The following SLC13A1 variants were observed in gnomAD, a reference collection of about 807,000 sequenced individuals.
The protein encoded by SLC13A1 is solute carrier family 13 member 1, also known as Na(+)/sulfate cotransporter.
In SLC13A1, 65 loss-of-function variants were observed where a neutral mutation model predicts 70.0. That is an observed-to-expected ratio of 0.93 (90% CI 0.76 to 1.14). The LOEUF (loss-of-function observed/expected upper bound fraction) is 1.14, where lower values mean the gene tolerates loss of function less well. SLC13A1 is among the 50% of genes most tolerant of loss of function. The pLI, the probability that SLC13A1 is intolerant of heterozygous loss-of-function variation, is 0.00. For synonymous variants in SLC13A1, 275 were observed against 250.5 expected (o/e 1.10, Z -0.92); for missense variants, 726 against 717.8 (o/e 1.01, Z -0.13).
intron 6 of SLC13A1, among the ~76,000 whole-genome samples, chr7:123,163,166 A>C (rs1457654693): frequency 3.9e-5 from 6 of 152,054 alleles, no homozygotes; most frequent in African/African-American, 9.7e-5. Context: ...AATTGTATGC[A>C]TGGTGGTTGG....
chr7:123,147,107 T>C, intron 7 of SLC13A1, 52 bp downstream of exon 7: 1 of 1,561,616 alleles, frequency 6.4e-7, no homozygotes. Flanking sequence ...ATAATTTTTA[T>C]AATTTTTGTG....
chr7:123,113,802 A>G lies in SLC13A1; in HGVS notation c.*1716T>C, dbSNP rs1793080818. 2 of 152,202 alleles carry G rather than the reference A, an allele frequency of 1.3e-5. No individual in the cohort carries two copies. The highest frequency in any genetic ancestry group is 2.9e-5 in the Non-Finnish European group (2 of 68,036). 9.4% of individuals were successfully genotyped at this position (152,202 alleles called of 1,614,324 possible). ...ATTTTTTGCATTGGCCCATTAATAA[A>G]CATAGATAAATAATGAACATGGCCA... On this transcript the variant is annotated 3_prime_UTR_variant, in exon 15 of 15. Coordinates refer to ENST00000194130, the MANE Select transcript of SLC13A1 (RefSeq NM_022444.4).
chr7:123,187,622 GACATTAAT>G (rs2116648278), intron 1 of SLC13A1, among the ~76,000 whole-genome samples: 1 of 152,204 alleles, frequency 6.6e-6, no homozygotes, highest in East Asian at 1.9e-4. Context: ...ACTACATGCA[GACATTAAT>G]ACATTAATAA....
intron 7 of SLC13A1, among the ~76,000 whole-genome samples, chr7:123,137,019 A>G (rs1418571037): frequency 6.6e-6 from 1 of 152,160 alleles, no homozygotes; most frequent in Non-Finnish European, 1.5e-5. Context: ...GTCAATATGG[A>G]TCAGATCATG....
intron 1 of SLC13A1, among the ~76,000 whole-genome samples, chr7:123,190,888 T>A (rs575063290): frequency 6.6e-6 from 1 of 152,320 alleles, no homozygotes; most frequent in Admixed American, 6.5e-5. Context: ...TTTTATACTT[T>A]CCTGCTCTTG....
intron 2 of SLC13A1, among the ~76,000 whole-genome samples, chr7:123,180,561 T>G (rs1461912246): frequency 6.6e-6 from 1 of 152,190 alleles, no homozygotes; most frequent in Non-Finnish European, 1.5e-5. Flanking sequence ...CTTTATCTTT[T>G]GAAATGGCAG....
chr7:123,159,568 G>C (rs930259966), intron 6 of SLC13A1, among the ~76,000 whole-genome samples: 2 of 152,120 alleles, frequency 1.3e-5, no homozygotes, highest in Non-Finnish European at 2.9e-5. Context: ...TTAAGACACA[G>C]TTCTGTACTA....
intron 7 of SLC13A1, 127 bp downstream of exon 7, chr7:123,147,032 C>T (rs1794376846): frequency 4.4e-6 from 4 of 905,496 alleles, no homozygotes; most frequent in Non-Finnish European, 6.6e-6. Context: ...TATAGATGTC[C>T]TGAAGGGAAA....
At chr7:123,186,750 C>G (rs1190939981) in intron 1 of SLC13A1, 2 of 455,722 alleles carry the variant, frequency 4.4e-6, no homozygotes, top group Non-Finnish European at 8.8e-6. Flanking sequence ...ACAACTTACT[C>G]TGCAACCGTA....
intron 1 of SLC13A1, among the ~76,000 whole-genome samples, chr7:123,195,449 T>C (rs1796146993): frequency 6.6e-6 from 1 of 151,984 alleles, no homozygotes; most frequent in Non-Finnish European, 1.5e-5. Flanking sequence ...TTCTTTCACT[T>C]ATAGTCTTTT....
intron 3 of SLC13A1, among the ~76,000 whole-genome samples, chr7:123,171,216 G>A (rs1252074762): frequency 6.6e-6 from 1 of 152,128 alleles, no homozygotes; most frequent in East Asian, 1.9e-4. Context: ...AATTTTATCA[G>A]TCAAATGAGT....
At position 123,177,550 on chromosome 7, in the gene SLC13A1, T is replaced by C. The variant is rs143577870; in HGVS notation, c.228+3423A>G. Among the ~76,000 whole-genome samples, 1,272 of 152,276 alleles carry C rather than the reference T, an allele frequency of 8.4e-3. 19 individuals carry two copies. Among genetic ancestry groups the C allele is most frequent in the African/African-American group, 0.028 (1,181 of 41,570 alleles). On this transcript the variant is annotated intron_variant, in intron 2 of 14. Transcript: ENST00000194130. ...CCTGGTCCATTGCCTCATTACATTA[T>C]GTACCTGACCTAATCTGTCATTCTC... is the stretch of plus-strand genomic sequence containing the variant.
At chr7:123,170,086 C>A (rs1795219016) in intron 3 of SLC13A1, among the ~76,000 whole-genome samples, 1 of 152,104 alleles carries the variant, frequency 6.6e-6, no homozygotes. Flanking sequence ...TATCTATAAA[C>A]TTTCAAAGTC....
At chr7:123,147,982 A>C (rs1794421753) in intron 6 of SLC13A1, among the ~76,000 whole-genome samples, 1 of 152,218 alleles carries the variant, frequency 6.6e-6, no homozygotes, top group Non-Finnish European at 1.5e-5. Flanking sequence ...CCCCATCTAC[A>C]CACCTTAATG....
chr7:123,117,958 AT>A (rs1163175291), intron 13 of SLC13A1, among the ~76,000 whole-genome samples: 9 of 151,314 alleles, frequency 5.9e-5, no homozygotes, highest in Non-Finnish European at 8.8e-5. Flanking sequence ...ATATTTACAC[AT>A]AATATAGTTT....
intron 1 of SLC13A1, among the ~76,000 whole-genome samples, chr7:123,192,982 T>C (rs1796049439): frequency 6.6e-6 from 1 of 152,032 alleles, no homozygotes; most frequent in East Asian, 1.9e-4. Context: ...AAACCAGTTA[T>C]TGGGAAATTT....
chr7:123,180,420 C>T (rs190846127), intron 2 of SLC13A1, among the ~76,000 whole-genome samples: 5 of 152,106 alleles, frequency 3.3e-5, no homozygotes, highest in East Asian at 1.9e-4. Context: ...GGTTTCAATG[C>T]GTTTGGGAAA....
chr7:123,141,180 A>G (rs1794125400), intron 7 of SLC13A1, among the ~76,000 whole-genome samples: 1 of 152,110 alleles, frequency 6.6e-6, no homozygotes, highest in African/African-American at 2.4e-5. Flanking sequence ...GTGGTCATTC[A>G]GGAGCATATT....
At chr7:123,148,389 C>A in intron 6 of SLC13A1, 1 of 384,872 alleles carries the variant, frequency 2.6e-6, no homozygotes, top group South Asian at 1.9e-5. Context: ...TCAGTCACCC[C>A]ACCCCCATAG....
Sources: allele counts gnomAD v4.1 joint callset (sites outside exome capture counted in the v4.1 genomes callset), GRCh38; gene constraint gnomAD v4.1.1; transcripts MANE v1.5; gene names NCBI Gene and HGNC (gene_info 2026-07-23, HGNC 2026-07-21).